The following BCAT1 variants were observed in gnomAD, a reference collection of about 807,000 sequenced individuals.
The protein encoded by BCAT1 is branched-chain-amino-acid aminotransferase, cytosolic.
In BCAT1, 48 loss-of-function variants were observed where a neutral mutation model predicts 52.4. The observed-to-expected ratio is 0.92, with a 90% CI of 0.73 to 1.16. BCAT1 has a LOEUF of 1.16. Among genes scored for constraint, BCAT1 ranks in the 50% most tolerant of loss-of-function variants. BCAT1 has a pLI of 0.00. For synonymous variants in BCAT1, 167 were observed against 161.3 expected (o/e 1.04, Z -0.27); for missense variants, 451 against 457.1 (o/e 0.99, Z 0.12).
intron 1 of BCAT1, among the ~76,000 whole-genome samples, chr12:24,917,046 CAT>C (rs1943421930): frequency 6.6e-6 from 1 of 151,882 alleles, no homozygotes; most frequent in African/African-American, 2.4e-5. Context: ...GAAAACAAAA[CAT>C]AAAAAAAATC....
At chr12:24,862,698 T>G (rs1941879344) in intron 5 of BCAT1, among the ~76,000 whole-genome samples, 1 of 152,160 alleles carries the variant, frequency 6.6e-6, no homozygotes, top group Non-Finnish European at 1.5e-5. Flanking sequence ...CAGCATAAAT[T>G]CCCGTTCTCT....
intron 7 of BCAT1, among the ~76,000 whole-genome samples, chr12:24,837,043 GA>G (rs201761159): frequency 0.098 from 8,770 of 89,262 alleles, 813 homozygotes; most frequent in Non-Finnish European, 0.13. Context: ...AAAGAAAAAA[GA>G]AAAGAAAAGA....
chr12:24,929,329 G>T (rs4963823), intron 1 of BCAT1, among the ~76,000 whole-genome samples: 2,211 of 152,136 alleles, frequency 0.015, 28 homozygotes, highest in Middle Eastern at 0.031. Context: ...ATTATTTTAG[G>T]TTGGCACATC....
intron 5 of BCAT1, among the ~76,000 whole-genome samples, chr12:24,863,167 C>T (rs542350008): frequency 2.7e-4 from 41 of 152,228 alleles, no homozygotes; most frequent in African/African-American, 9.9e-4. Flanking sequence ...AAACTAAAGA[C>T]AAAGTGGAAA....
chr12:24,845,888 C>G (rs963146102), intron 6 of BCAT1, among the ~76,000 whole-genome samples: 6 of 152,204 alleles, frequency 3.9e-5, no homozygotes, highest in African/African-American at 1.4e-4. Context: ...AAGACTGCAT[C>G]TCTAAAAACT....
rs1264038890 is a variant in BCAT1 at position 24,904,753 on chromosome 12, T to G, written c.7-2868A>C. 2.0e-5 allele frequency: 3 copies of G among 152,252 alleles called. No homozygotes were observed. The East Asian group carries it at 5.8e-4, about 29-fold the overall frequency. The allele number at this position is 152,252 out of a possible 1,614,324, so 9.4% of individuals were successfully genotyped here. A position where few individuals can be genotyped will look rare whatever the true frequency, so the allele number is the denominator to read the frequency against. ...AAAACGGTGTATCTATCCACCATGT[T>G]CGAAGCACTGGGCTAGTTGCTGGGG... is the stretch of plus-strand genomic sequence containing the variant. On this transcript the variant is annotated intron_variant, in intron 1 of 10. Transcript: ENST00000261192.
intron 10 of BCAT1, among the ~76,000 whole-genome samples, chr12:24,825,280 A>G (rs900361904): frequency 1.3e-5 from 2 of 152,020 alleles, no homozygotes; most frequent in Admixed American, 6.6e-5. Context: ...TGATATACTA[A>G]TTTTTTTCTT....
chr12:24,901,857 C>T lies in BCAT1; in HGVS notation c.35G>A (p.Cys12Tyr). Residue 12 changes from cysteine to tyrosine, a missense_variant, in exon 2 of 11, where the codon TGT becomes TAT. Physicochemically the swap from Cys to Tyr is radical, Grantham distance 194. Coordinates refer to ENST00000261192, the MANE Select transcript of BCAT1 (RefSeq NM_005504.7). ...KDCSNGCSAE[C>Y]TGEGGSKEVV... Reference sequence around the variant, plus strand: ...CTCTTTTGATCCTCCTTCTCCGGTACACTCTGCGGAGCATCCGTTACTGCA... The same window carrying T: ...CTCTTTTGATCCTCCTTCTCCGGTATACTCTGCGGAGCATCCGTTACTGCA... The T allele has an allele frequency of 6.2e-7, 1 of 1,614,018 alleles. No homozygotes were observed. Among genetic ancestry groups the T allele is most frequent in the East Asian group, 2.2e-5 (1 of 44,890 alleles).
At chr12:24,942,877 CAG>C (rs759755830) in intron 1 of BCAT1, among the ~76,000 whole-genome samples, 17 of 152,348 alleles carry the variant, frequency 1.1e-4, no homozygotes, top group Admixed American at 2.6e-4. Flanking sequence ...TGGGATGAAA[CAG>C]AGAAGAAAGT....
chr12:24,923,680 A>G (rs1461767732), intron 1 of BCAT1, among the ~76,000 whole-genome samples: 2 of 152,138 alleles, frequency 1.3e-5, no homozygotes, highest in Admixed American at 1.3e-4. Flanking sequence ...ATAGTGCTGG[A>G]ATTACAGGCA....
chr12:24,907,586 C>T (rs147630626), intron 1 of BCAT1, among the ~76,000 whole-genome samples: 16 of 152,350 alleles, frequency 1.1e-4, no homozygotes, highest in African/African-American at 3.4e-4. Context: ...TGACAATACA[C>T]CCTCCCTGCC....
chr12:24,868,222 T>C (rs1025620618), intron 5 of BCAT1, among the ~76,000 whole-genome samples: 1 of 152,218 alleles, frequency 6.6e-6, no homozygotes, highest in Non-Finnish European at 1.5e-5. Flanking sequence ...TGCAGTTTGA[T>C]TCTCCATCTC....
chr12:24,934,147 A>T (rs1229220777), intron 1 of BCAT1, among the ~76,000 whole-genome samples: 1 of 152,010 alleles, frequency 6.6e-6, no homozygotes, highest in Non-Finnish European at 1.5e-5. Flanking sequence ...CTTACCAAGG[A>T]CTCCCGTACC....
intron 5 of BCAT1, among the ~76,000 whole-genome samples, chr12:24,873,083 G>A (rs535777979): frequency 1.5e-4 from 23 of 152,336 alleles, no homozygotes; most frequent in South Asian, 2.1e-4. Flanking sequence ...TTACTCAACA[G>A]GACGAGGTTA....
chr12:24,947,700 C>A (rs74070633), intron 1 of BCAT1, among the ~76,000 whole-genome samples: 6 of 152,244 alleles, frequency 3.9e-5, no homozygotes, highest in African/African-American at 1.4e-4. Flanking sequence ...GGTTTTTGGA[C>A]CTACAAAAAC....
chr12:24,917,421 A>T lies in BCAT1; in HGVS notation c.7-15536T>A, dbSNP rs545086146. On this transcript the variant is annotated intron_variant, in intron 1 of 10. Coordinates refer to ENST00000261192, the MANE Select transcript of BCAT1 (RefSeq NM_005504.7). ...ATGGTCTCGATCTCCTGACCTCGTG[A>T]TCCGCCTGCCTTGGCCTCCCAAAGT... 1.1e-4 allele frequency among the ~76,000 whole-genome samples: 17 copies of T among 152,218 alleles called. No individual in the cohort carries two copies. The South Asian group carries it at 2.5e-3, about 22-fold the overall frequency.
intron 6 of BCAT1, among the ~76,000 whole-genome samples, chr12:24,842,574 A>C (rs1591798100): frequency 6.6e-6 from 1 of 152,198 alleles, no homozygotes; most frequent in East Asian, 1.9e-4. Flanking sequence ...TTTCATTTAA[A>C]TCTCACACCA....
intron 8 of BCAT1, among the ~76,000 whole-genome samples, chr12:24,836,211 G>A (rs12424348): frequency 0.25 from 37,891 of 152,070 alleles, 4,830 homozygotes; most frequent in Non-Finnish European, 0.27. Flanking sequence ...AAGCACATCA[G>A]GTATGAACCA....
chr12:24,917,790 T>C (rs1943441792), intron 1 of BCAT1, among the ~76,000 whole-genome samples: 1 of 152,236 alleles, frequency 6.6e-6, no homozygotes, highest in African/African-American at 2.4e-5. Context: ...ACAAAGTTGT[T>C]CTGACAGAGA....
Sources: gnomAD v4.1 joint callset for allele counts (sites outside exome capture counted in the v4.1 genomes callset) on GRCh38, gnomAD v4.1.1 for gene constraint, MANE v1.5 for transcripts, NCBI Gene and HGNC (gene_info 2026-07-23, HGNC 2026-07-21) for gene names.